KDM6A: variants seen among roughly 807,000 people sequenced by gnomAD.
KDM6A encodes lysine demethylase 6A.
In KDM6A, 11 loss-of-function variants were observed where a neutral mutation model predicts 117.6. That is an observed-to-expected ratio of 0.09 (90% CI 0.06 to 0.15). The LOEUF is 0.15. Among genes scored for constraint, KDM6A ranks in the 10% least tolerant of loss-of-function variants. The pLI is 1.00. For missense variants in KDM6A, 799 were observed against 1,077.3 expected, an observed-to-expected ratio of 0.74 and a Z score of 3.62; for synonymous variants, 384 against 396.1, an observed-to-expected ratio of 0.97 and a Z score of 0.36.
chrX:45,005,786 C>G (rs1327063044), intron 4 of KDM6A, among the ~76,000 whole-genome samples: 1 of 109,305 alleles, frequency 9.1e-6, no homozygotes, highest in African/African-American at 3.3e-5. Context: ...GTTCAATTTC[C>G]CTTACTGAAA....
chrX:45,011,215 T>C (rs1448476799), intron 5 of KDM6A, among the ~76,000 whole-genome samples, 196 bp downstream of exon 5: 2 of 111,450 alleles, frequency 1.8e-5, no homozygotes, highest in African/African-American at 3.3e-5. Flanking sequence ...ATTTTTAGAG[T>C]TGTATGTTTT....
chrX:45,061,711 T>C (rs1421546271), intron 15 of KDM6A, among the ~76,000 whole-genome samples: 1 of 108,892 alleles, frequency 9.2e-6, no homozygotes, highest in Non-Finnish European at 1.9e-5. Flanking sequence ...AGACTGGTCT[T>C]GCACTCCTGA....
At chrX:45,052,082 C>T (rs1252228660) in intron 9 of KDM6A, among the ~76,000 whole-genome samples, 1 of 111,941 alleles carries the variant, frequency 8.9e-6, no homozygotes, top group East Asian at 2.8e-4. Context: ...CAGATATATG[C>T]TTAAGCACTT....
intron 6 of KDM6A, among the ~76,000 whole-genome samples, chrX:45,029,196 A>C (rs1030303793): frequency 4.0e-4 from 45 of 111,361 alleles, no homozygotes; most frequent in South Asian, 7.5e-4. Context: ...GCACTTTGGG[A>C]GGCTGAGGCG....
At chrX:45,087,574 A>G in intron 25 of KDM6A, among the ~76,000 whole-genome samples, 1 of 112,164 alleles carries the variant, frequency 8.9e-6, no homozygotes, top group Non-Finnish European at 1.9e-5. Flanking sequence ...GCAGCAGAGA[A>G]AGAACATTGT....
At chrX:44,937,684 G>A (rs1433425718) in intron 2 of KDM6A, among the ~76,000 whole-genome samples, 2 of 111,518 alleles carry the variant, frequency 1.8e-5, no homozygotes, top group East Asian at 2.8e-4. Flanking sequence ...TTGAAATTAG[G>A]CCAATGAATA....
rs778279788 is a variant in KDM6A, at chrX:44,909,734, C to T, written c.225+35747C>T. ...ACTGAGTTTATTTTTATTTCAGATG[C>T]TAGTCTAATAAAGATGGCTGCTTAT... On this transcript the variant is annotated intron_variant, in intron 2 of 29. Transcript: ENST00000611820. 1.4e-4 allele frequency among the ~76,000 whole-genome samples: 16 copies of T among 111,819 alleles called. No homozygotes were observed. In the South Asian group the frequency reaches 5.9e-3, roughly 41 times the overall value.
chrX:44,983,539 A>G (rs1264565142), intron 4 of KDM6A, among the ~76,000 whole-genome samples: 1 of 107,172 alleles, frequency 9.3e-6, no homozygotes, highest in Non-Finnish European at 1.9e-5. Flanking sequence ...CATTAGGTAT[A>G]TCTCCTAATG....
chrX:44,960,866 A>G (rs955558390), intron 2 of KDM6A, among the ~76,000 whole-genome samples: 8 of 111,732 alleles, frequency 7.2e-5, no homozygotes, highest in African/African-American at 2.6e-4. Flanking sequence ...TTATTACTCT[A>G]GAGATTCTGT....
At chrX:45,089,485 C>A (rs1250804046) in intron 25 of KDM6A, among the ~76,000 whole-genome samples, 1 of 105,633 alleles carries the variant, frequency 9.5e-6, no homozygotes, top group African/African-American at 3.5e-5. Flanking sequence ...TAGATGGAGC[C>A]ACTGCACTCC....
At position 44,930,017 on chromosome X, in the gene KDM6A, G is replaced by A. The variant is rs2036537991; in HGVS notation, c.226-31267G>A. On this transcript the variant is annotated intron_variant, in intron 2 of 29. Transcript: ENST00000611820. ...AGACATTCTAATGTGTGGTGTAGTA[G>A]TATCTCATCCTCATTTTGGTTTTAA... Among the ~76,000 whole-genome samples, 3 of 111,439 alleles carry A rather than the reference G, an allele frequency of 2.7e-5. No individual in the cohort carries two copies. In the South Asian group the frequency reaches 1.1e-3, roughly 41 times the overall value.
intron 4 of KDM6A, among the ~76,000 whole-genome samples, chrX:44,989,828 C>G (rs184744314): frequency 1.8e-5 from 2 of 111,819 alleles, no homozygotes; most frequent in East Asian, 2.8e-4. Context: ...TTTGGAAACT[C>G]CCACGTTCTC....
chrX:44,963,964 C>A (rs1383918017), intron 3 of KDM6A, among the ~76,000 whole-genome samples: 1 of 109,070 alleles, frequency 9.2e-6, no homozygotes, highest in Admixed American at 9.7e-5. Flanking sequence ...GGTGATCTGC[C>A]TACTTCAGCC....
At chrX:45,063,903 T>C in intron 17 of KDM6A, 86 bp downstream of exon 17, 1 of 931,564 alleles carries the variant, frequency 1.1e-6, no homozygotes, top group South Asian at 2.1e-5. Context: ...AAGAGAGAAG[T>C]GTTTGGGGAA....
intron 9 of KDM6A, among the ~76,000 whole-genome samples, chrX:45,052,185 A>G (rs2043883354): frequency 8.9e-6 from 1 of 112,317 alleles, no homozygotes; most frequent in South Asian, 3.7e-4. Context: ...CAATTTATCT[A>G]AAAACTGTAG....
intron 27 of KDM6A, among the ~76,000 whole-genome samples, chrX:45,103,954 C>T (rs2046427745): frequency 9.0e-6 from 1 of 111,628 alleles, no homozygotes; most frequent in African/African-American, 3.3e-5. Flanking sequence ...TGCAAAATAG[C>T]ATTTTCCATC....
At chrX:45,064,485 A>C (rs1426606261) in intron 17 of KDM6A, among the ~76,000 whole-genome samples, 3 of 112,394 alleles carry the variant, frequency 2.7e-5, no homozygotes, top group Non-Finnish European at 5.6e-5. Flanking sequence ...TATTTTTGTC[A>C]AGGAAATGGG....
intron 4 of KDM6A, among the ~76,000 whole-genome samples, chrX:44,999,389 G>T (rs956672373): frequency 9.0e-6 from 1 of 110,814 alleles, no homozygotes; most frequent in Non-Finnish European, 1.9e-5. Context: ...GGGTTAGACC[G>T]CACAGGCTAA....
At chrX:44,910,080 T>A (rs1233524472) in intron 2 of KDM6A, among the ~76,000 whole-genome samples, 4 of 112,520 alleles carry the variant, frequency 3.6e-5, no homozygotes, top group Non-Finnish European at 7.5e-5. Context: ...CAGGAGGTCA[T>A]ATTTGTGATG....
Sources: allele counts gnomAD v4.1 joint callset (sites outside exome capture counted in the v4.1 genomes callset), GRCh38; gene constraint gnomAD v4.1.1; transcripts MANE v1.5; gene names NCBI Gene and HGNC (gene_info 2026-07-23, HGNC 2026-07-21).